The following DLGAP2 variants were observed in gnomAD, a reference collection of about 807,000 sequenced individuals.
DLGAP2 encodes disks large-associated protein 2.
Under a neutral mutation model 100.3 loss-of-function variants are expected in DLGAP2, and 26 were observed. That is an observed-to-expected ratio of 0.26 (90% CI 0.19 to 0.36). The LOEUF is 0.36. Among genes scored for constraint, DLGAP2 ranks in the 10% least tolerant of loss-of-function variants. The pLI is 1.00. For missense variants in DLGAP2, 1,858 were observed against 1,453.2 expected (o/e 1.28, Z -4.53); for synonymous variants, 886 against 630.1 (o/e 1.41, Z -6.08).
chr8:1,275,502 A>G (rs1799664729), intron 3 of DLGAP2, among the ~76,000 whole-genome samples: 1 of 151,908 alleles, frequency 6.6e-6, no homozygotes, highest in South Asian at 2.1e-4. Flanking sequence ...ATCAGCGTCA[A>G]TCCCAGATGC....
chr8:1,314,284 T>C (rs931927057), intron 3 of DLGAP2, among the ~76,000 whole-genome samples: 2 of 152,196 alleles, frequency 1.3e-5, no homozygotes, highest in Non-Finnish European at 2.9e-5. Context: ...CTGACCCTTA[T>C]AAAGTAGAGG....
chr8:858,497 G>A (rs984553157), intron 1 of DLGAP2, among the ~76,000 whole-genome samples: 3 of 152,240 alleles, frequency 2.0e-5, no homozygotes, highest in African/African-American at 4.8e-5. Flanking sequence ...TGCTGTCATC[G>A]TGGGCACATG....
intron 1 of DLGAP2, among the ~76,000 whole-genome samples, chr8:767,231 A>G (rs1373386390): frequency 6.6e-6 from 1 of 152,128 alleles, no homozygotes; most frequent in Non-Finnish European, 1.5e-5. Context: ...CTTGCTAGCA[A>G]GGAAATAAAA....
At chr8:1,364,608 G>T (rs891492976) in intron 3 of DLGAP2, among the ~76,000 whole-genome samples, 3 of 152,188 alleles carry the variant, frequency 2.0e-5, no homozygotes, top group Non-Finnish European at 4.4e-5. Flanking sequence ...CCGGCGTGCC[G>T]CCTCTTCAGT....
intron 2 of DLGAP2, among the ~76,000 whole-genome samples, chr8:1,178,039 G>A (rs1797300087): frequency 6.6e-6 from 1 of 152,240 alleles, no homozygotes; most frequent in African/African-American, 2.4e-5. Flanking sequence ...CATGGCCAGT[G>A]GTGGTTGGTG....
At chr8:1,344,539 C>G (rs192181270) in intron 3 of DLGAP2, among the ~76,000 whole-genome samples, 2 of 152,156 alleles carry the variant, frequency 1.3e-5, no homozygotes, top group African/African-American at 4.8e-5. Flanking sequence ...TTCACATTTT[C>G]TCCATAAGGA....
At chr8:1,096,395 G>A (rs1298917168) in intron 2 of DLGAP2, among the ~76,000 whole-genome samples, 2 of 152,250 alleles carry the variant, frequency 1.3e-5, no homozygotes, top group Non-Finnish European at 2.9e-5. Context: ...AGGGACCAGT[G>A]TGTTAGCACA....
intron 1 of DLGAP2, among the ~76,000 whole-genome samples, chr8:765,738 T>C (rs1821195049): frequency 6.6e-6 from 1 of 152,198 alleles, no homozygotes; most frequent in Admixed American, 6.5e-5. Flanking sequence ...CTGCCGTCCT[T>C]GATGTCTGTC....
intron 2 of DLGAP2, among the ~76,000 whole-genome samples, chr8:1,058,847 C>T (rs1802963604): frequency 6.6e-6 from 1 of 152,216 alleles, no homozygotes; most frequent in African/African-American, 2.4e-5. Context: ...CATGTGAGTT[C>T]CTGGACACCT....
At chr8:1,284,407 G>A (rs553278382) in intron 3 of DLGAP2, among the ~76,000 whole-genome samples, 2 of 152,144 alleles carry the variant, frequency 1.3e-5, no homozygotes, top group Non-Finnish European at 2.9e-5. Flanking sequence ...GCAGCACGGA[G>A]AGGAGACAGT....
At chr8:1,629,584 T>G (rs1179230866) in intron 7 of DLGAP2, among the ~76,000 whole-genome samples, 5 of 152,266 alleles carry the variant, frequency 3.3e-5, no homozygotes, top group Admixed American at 1.3e-4. Context: ...AGTGATACAT[T>G]TTAACAACTT....
Position 1,548,775 on chromosome 8 carries a change from G to A in DLGAP2, c.322G>A (p.Glu108Lys). 4.4e-6 allele frequency: 7 copies of A among 1,596,810 alleles called. No homozygotes were observed. Among genetic ancestry groups the A allele is most frequent in the East Asian group, 2.3e-5 (1 of 44,226 alleles). Reference protein sequence around the residue: ...TCGLAPPEDCEHLHHGPDARP... With the variant: ...TCGLAPPEDCKHLHHGPDARP... ...TGGTCTGGCGCCCCCGGAGGACTGC[G>A]AGCACCTGCACCACGGGCCCGACGC... Residue 108 changes from glutamate (E) to lysine (K), a missense_variant, in exon 5 of 15, where the codon GAG (glutamate) becomes AAG (lysine). Coordinates refer to ENST00000637795, the MANE Select transcript of DLGAP2 (RefSeq NM_001346810.2).
At chr8:1,368,087 G>C (rs1297635084) in intron 3 of DLGAP2, among the ~76,000 whole-genome samples, 1 of 152,210 alleles carries the variant, frequency 6.6e-6, no homozygotes, top group East Asian at 1.9e-4. Context: ...CTCCTGTGTT[G>C]CTGTTGTGTT....
intron 1 of DLGAP2, among the ~76,000 whole-genome samples, chr8:866,522 C>G (rs992331104): frequency 1.3e-5 from 2 of 152,092 alleles, no homozygotes; most frequent in African/African-American, 4.8e-5. Context: ...ACTCACTTCT[C>G]GAGGGCCTGG....
chr8:1,644,707 G>T (rs1017326777), intron 8 of DLGAP2, among the ~76,000 whole-genome samples: 15 of 152,286 alleles, frequency 9.8e-5, no homozygotes, highest in African/African-American at 3.6e-4. Flanking sequence ...AAAAACATTA[G>T]ATGCCAAAAT....
intron 1 of DLGAP2, among the ~76,000 whole-genome samples, chr8:798,073 C>T (rs1365225514): frequency 1.3e-5 from 2 of 152,180 alleles, no homozygotes; most frequent in Non-Finnish European, 2.9e-5. Context: ...TTAACTGCTC[C>T]CGAGGCCCCT....
At chr8:1,228,147 C>T (rs569272742) in intron 2 of DLGAP2, among the ~76,000 whole-genome samples, 26 of 150,744 alleles carry the variant, frequency 1.7e-4, no homozygotes, top group African/African-American at 6.1e-4. Context: ...TTAATGGGTG[C>T]AGCACACCAA....
At chr8:1,657,778 T>C (rs931744344) in intron 8 of DLGAP2, among the ~76,000 whole-genome samples, 1 of 152,224 alleles carries the variant, frequency 6.6e-6, no homozygotes, top group African/African-American at 2.4e-5. Context: ...GGACAACTGA[T>C]AATTTTTAAA....
At chr8:1,320,485 C>T (rs574516693) in intron 3 of DLGAP2, among the ~76,000 whole-genome samples, 1 of 152,278 alleles carries the variant, frequency 6.6e-6, no homozygotes, top group Non-Finnish European at 1.5e-5. Flanking sequence ...GCATCAGGAG[C>T]CGGGCAGACG....
Sources: gnomAD v4.1 joint callset for allele counts (sites outside exome capture counted in the v4.1 genomes callset) on GRCh38, gnomAD v4.1.1 for gene constraint, MANE v1.5 for transcripts, NCBI Gene and HGNC (gene_info 2026-07-23, HGNC 2026-07-21) for gene names.